FAT3: variants seen among roughly 807,000 people sequenced by gnomAD.
FAT3 encodes the protein FAT atypical cadherin 3, also known as protocadherin Fat 3.
Under a neutral mutation model 310.2 loss-of-function variants are expected in FAT3, and 95 were observed. The observed-to-expected ratio is 0.31, with a 90% CI of 0.26 to 0.36. The LOEUF (loss-of-function observed/expected upper bound fraction) is 0.36, where lower values mean the gene tolerates loss of function less well. Ranked by LOEUF, FAT3 falls within the 10% of genes least tolerant of loss-of-function variation. The pLI is 1.00. For missense variants in FAT3, 5,408 were observed against 5,715.6 expected (o/e 0.95, Z 1.74); for synonymous variants, 2,314 against 2,192.9 (o/e 1.06, Z -1.54).
At position 92,731,642 on chromosome 11, in the gene FAT3, T is replaced by C. The variant is rs529493192; in HGVS notation, c.3670-30214T>C. Among the ~76,000 whole-genome samples, 4 of 152,182 alleles carry C rather than the reference T, an allele frequency of 2.6e-5. No individual in the cohort carries two copies. The South Asian group carries it at 8.3e-4, about 32-fold the overall frequency. On this transcript the variant is annotated intron_variant, in intron 4 of 27. Transcript: ENST00000525166. ...TATCATCTAAAGTCTAGGATAATGA[T>C]AGTGTCTTACTCTCTGGTGGCTGAA...
At chr11:92,636,046 C>A (rs1334060035) in intron 3 of FAT3, among the ~76,000 whole-genome samples, 2 of 152,134 alleles carry the variant, frequency 1.3e-5, no homozygotes, top group Non-Finnish European at 2.9e-5. Flanking sequence ...TCACTGCAAC[C>A]TCTGCCACCC....
chr11:92,286,523 A>G (rs1946565798), intron 1 of FAT3, among the ~76,000 whole-genome samples: 2 of 152,094 alleles, frequency 1.3e-5, no homozygotes, highest in East Asian at 1.9e-4. Flanking sequence ...CAAATATAGT[A>G]TGTGCTTTTG....
intron 3 of FAT3, among the ~76,000 whole-genome samples, chr11:92,669,978 A>G (rs1198801649): frequency 6.6e-6 from 1 of 152,232 alleles, no homozygotes; most frequent in Non-Finnish European, 1.5e-5. Flanking sequence ...AGTTGGCCAC[A>G]TGACTTCAGA....
intron 4 of FAT3, among the ~76,000 whole-genome samples, chr11:92,730,913 A>T (rs1349963133): frequency 1.3e-5 from 2 of 152,172 alleles, no homozygotes; most frequent in Admixed American, 6.5e-5. Flanking sequence ...TAAGAACTAA[A>T]GCAATTTCTT....
rs776453641 is a variant in FAT3, at chr11:92,800,868, G to C, written c.7855G>C (p.Val2619Leu). ...VRADVGRGHL[V>L]TQVQAIDPDD... ...GGCAGATGTTGGAAGGGGCCACTTG[G>C]TCACTCAAGTTCAAGCCATAGATCC... The change falls in exon 10 of 28, where the codon GTC becomes CTC. Residue 2619 changes from valine (V) to leucine (L), a missense_variant. Transcript: ENST00000525166. 5 of 1,613,330 alleles carry C rather than the reference G, an allele frequency of 3.1e-6. No homozygotes were observed. The Middle Eastern group carries it at 5.0e-4, about 160-fold the overall frequency.
intron 3 of FAT3, among the ~76,000 whole-genome samples, chr11:92,537,272 G>C (rs1954292457): frequency 6.6e-6 from 1 of 152,096 alleles, no homozygotes; most frequent in Middle Eastern, 3.2e-3. Context: ...AAGGGAAAAA[G>C]GAGACTGGTG....
In FAT3 at chr11:92,800,622, A is replaced by C. The variant is rs1947312699; in HGVS notation, c.7609A>C (p.Asn2537His). The C allele has an allele frequency of 4.3e-6, 7 of 1,613,626 alleles. No individual in the cohort carries two copies. Among genetic ancestry groups the C allele is most frequent in the Non-Finnish European group, 5.9e-6 (7 of 1,179,814 alleles). ...TGGGCAGATCAGCTATGCCATCATC[A>C]ATGACTTTGCCAAGGATCGATTCCT... is the stretch of plus-strand genomic sequence containing the variant. ...TYGQISYAII[N>H]DFAKDRFLID... Residue 2537 changes from asparagine (N) to histidine (H), a missense_variant, in exon 10 of 28, where the codon AAT (asparagine) becomes CAT (histidine). This residue lies in a region of FAT3 where 4,588 missense variants were observed against 4,809.8 expected (regional missense o/e 0.95). Coordinates refer to ENST00000525166, the MANE Select transcript of FAT3 (RefSeq NM_001367949.2).
intron 1 of FAT3, among the ~76,000 whole-genome samples, chr11:92,299,224 G>C (rs1475908552): frequency 1.3e-5 from 2 of 152,210 alleles, no homozygotes; most frequent in Admixed American, 1.3e-4. Flanking sequence ...CAAATGCATT[G>C]AGCTTTGGAA....
intron 1 of FAT3, among the ~76,000 whole-genome samples, chr11:92,255,902 G>T (rs189173433): frequency 6.6e-6 from 1 of 152,202 alleles, no homozygotes; most frequent in Admixed American, 6.6e-5. Flanking sequence ...TGTCAGGAGT[G>T]GCTGAAACCA....
chr11:92,882,663 G>A, intron 23 of FAT3, 75 bp from the exon 24 acceptor site: 1 of 1,327,262 alleles, frequency 7.5e-7, no homozygotes. Flanking sequence ...AGATGTCTGT[G>A]TTTTCTCGAG....
intron 1 of FAT3, among the ~76,000 whole-genome samples, chr11:92,346,318 G>T (rs974240410): frequency 6.6e-6 from 1 of 152,146 alleles, no homozygotes; most frequent in Non-Finnish European, 1.5e-5. Flanking sequence ...GGAATTAAAT[G>T]CTAGCTCTAA....
chr11:92,761,758 A>T, intron 4 of FAT3, 98 bp from the exon 5 acceptor site: 1 of 1,071,286 alleles, frequency 9.3e-7, no homozygotes, highest in Non-Finnish European at 1.4e-6. Flanking sequence ...TTTGGATAGG[A>T]TAGCATTGTC....
intron 2 of FAT3, among the ~76,000 whole-genome samples, chr11:92,370,238 C>T (rs1273734678): frequency 6.6e-6 from 1 of 152,078 alleles, no homozygotes; most frequent in African/African-American, 2.4e-5. Flanking sequence ...AATTTCCATC[C>T]CTGTGGGCCA....
At chr11:92,296,065 C>T (rs542873266) in intron 1 of FAT3, among the ~76,000 whole-genome samples, 1 of 152,174 alleles carries the variant, frequency 6.6e-6, no homozygotes, top group African/African-American at 2.4e-5. Context: ...TCCCCTGGCT[C>T]AATGGTGTTT....
chr11:92,721,134 A>G (rs985502239), intron 4 of FAT3, among the ~76,000 whole-genome samples: 1 of 152,180 alleles, frequency 6.6e-6, no homozygotes, highest in East Asian at 1.9e-4. Context: ...GTCCCCCAAT[A>G]CCATGTGTCC....
intron 3 of FAT3, among the ~76,000 whole-genome samples, chr11:92,534,767 G>A (rs185265373): frequency 6.6e-6 from 1 of 152,140 alleles, no homozygotes; most frequent in Non-Finnish European, 1.5e-5. Flanking sequence ...ATTCATGCCT[G>A]AAGTACCTGT....
chr11:92,680,711 G>A (rs1943457898), intron 3 of FAT3, among the ~76,000 whole-genome samples: 1 of 152,182 alleles, frequency 6.6e-6, no homozygotes, highest in Non-Finnish European at 1.5e-5. Flanking sequence ...GCAAGTGCTT[G>A]CAACACATCT....
At chr11:92,511,960 AG>A (rs1953304259) in intron 2 of FAT3, among the ~76,000 whole-genome samples, 2 of 152,204 alleles carry the variant, frequency 1.3e-5, no homozygotes, top group African/African-American at 4.8e-5. Flanking sequence ...ACCCACTGTG[AG>A]GAGCACAAGA....
At chr11:92,559,925 TAA>T (rs1254939387) in intron 3 of FAT3, among the ~76,000 whole-genome samples, 2 of 152,240 alleles carry the variant, frequency 1.3e-5, no homozygotes, top group Non-Finnish European at 2.9e-5. Flanking sequence ...TGAATATATA[TAA>T]GTTTTGTATA....
Sources: allele counts gnomAD v4.1 joint callset (sites outside exome capture counted in the v4.1 genomes callset), GRCh38; gene constraint gnomAD v4.1.1; regional missense constraint gnomAD v4.1.1; transcripts MANE v1.5; gene names NCBI Gene and HGNC (gene_info 2026-07-23, HGNC 2026-07-21).